The following SULT4A1 variants were observed in gnomAD, a reference collection of about 807,000 sequenced individuals.
The protein encoded by SULT4A1 is sulfotransferase 4A1.
In SULT4A1, 11 loss-of-function variants were observed where a neutral mutation model predicts 35.2. That is an observed-to-expected ratio of 0.31 (90% CI 0.20 to 0.52). The LOEUF (loss-of-function observed/expected upper bound fraction) is 0.52, where lower values mean the gene tolerates loss of function less well. SULT4A1 is among the 20% of genes least tolerant of loss of function. SULT4A1 has a pLI of 0.97. For missense variants in SULT4A1, 271 were observed against 383.7 expected (o/e 0.71, Z 2.45); for synonymous variants, 152 against 151.8 (o/e 1.00, Z -0.01).
intron 6 of SULT4A1, chr22:43,826,396 T>C: frequency 1.0e-6 from 1 of 985,350 alleles, no homozygotes; most frequent in Non-Finnish European, 1.2e-6. Context: ...CACCCCCCGC[T>C]GGGGCCCACC....
intron 2 of SULT4A1, 53 bp downstream of exon 2, chr22:43,841,749 C>T (rs1427590260): frequency 2.5e-5 from 39 of 1,586,096 alleles, no homozygotes; most frequent in South Asian, 1.1e-4. Context: ...CAGGGTGTAA[C>T]GGTAGAAATA....
At chr22:43,850,990 T>G (rs538160108) in intron 1 of SULT4A1, among the ~76,000 whole-genome samples, 27 of 152,240 alleles carry the variant, frequency 1.8e-4, no homozygotes, top group African/African-American at 6.5e-4. Flanking sequence ...CTCTGAACAT[T>G]CTGAAAATCT....
chr22:43,858,587 G>A (rs892238895), intron 1 of SULT4A1, among the ~76,000 whole-genome samples: 3 of 152,198 alleles, frequency 2.0e-5, no homozygotes, highest in Non-Finnish European at 4.4e-5. Context: ...ATAGGACGCA[G>A]GTAACTCACC....
In SULT4A1 at chr22:43,829,503, T is replaced by G. The variant is rs529343324; in HGVS notation, c.604-305A>C. On this transcript the variant is annotated intron_variant, in intron 5 of 6. Coordinates refer to ENST00000330884, the MANE Select transcript of SULT4A1 (RefSeq NM_014351.4). ...ACAGGAGCAAGAAGTAAAAAACATA[T>G]TTCAGAACATGGTTCTTGTGAGGAG... Among the ~76,000 whole-genome samples the G allele has an allele frequency of 3.9e-5, 6 of 152,322 alleles. No homozygotes were observed. In the South Asian group the frequency reaches 8.3e-4, roughly 21 times the overall value.
chr22:43,833,757 G>GAGC (rs2063342666), intron 4 of SULT4A1, 23 bp from the exon 5 acceptor site: 1 of 1,552,312 alleles, frequency 6.4e-7, no homozygotes, highest in Non-Finnish European at 8.7e-7. Context: ...GGGACAGGGT[G>GAGC]AGCCACACGG....
chr22:43,826,502 T>C, intron 6 of SULT4A1: 1 of 985,400 alleles, frequency 1.0e-6, no homozygotes, highest in Non-Finnish European at 1.2e-6. Flanking sequence ...GGAGCGAGTA[T>C]GATCTGCCGC....
At position 43,835,340 on chromosome 22, in the gene SULT4A1, A is replaced by C. The variant is rs189752687; in HGVS notation, c.509-1606T>G. On this transcript the variant is annotated intron_variant, in intron 4 of 6. Coordinates refer to ENST00000330884, the MANE Select transcript of SULT4A1 (RefSeq NM_014351.4). ...GACGGTTTCTTCCACGGGGACCTCC[A>C]TACGACAGAGAGCAAGGCGTCAGTT... Among the ~76,000 whole-genome samples, 6 of 152,340 alleles carry C rather than the reference A, an allele frequency of 3.9e-5. No individual in the cohort carries two copies. In the East Asian group the frequency reaches 1.2e-3, roughly 29 times the overall value.
At chr22:43,859,603 C>T (rs964905315) in intron 1 of SULT4A1, among the ~76,000 whole-genome samples, 8 of 152,244 alleles carry the variant, frequency 5.3e-5, no homozygotes, top group East Asian at 1.9e-4. Context: ...ATACAACCAC[C>T]GTCCCAGGAC....
intron 1 of SULT4A1, among the ~76,000 whole-genome samples, chr22:43,857,264 T>G (rs1478618463): frequency 1.3e-5 from 2 of 148,866 alleles, no homozygotes; most frequent in Non-Finnish European, 3.0e-5. Context: ...AGAAGCCAGG[T>G]GCAGCAGTAT....
chr22:43,825,916 C>T lies in SULT4A1; in HGVS notation c.*85G>A, dbSNP rs1189591259. On this transcript the variant is annotated 3_prime_UTR_variant, in exon 7 of 7. Transcript: ENST00000330884. ...TCACACGCTGCTTCCAGAGTTTGTCCAGCAAGGAATAAATGAATGCATACA... is the reference window on the plus strand; with the variant it reads ...TCACACGCTGCTTCCAGAGTTTGTCTAGCAAGGAATAAATGAATGCATACA... 3.3e-5 allele frequency: 45 copies of T among 1,346,616 alleles called. No homozygotes were observed. The highest frequency in any genetic ancestry group is 4.5e-5 in the Non-Finnish European group (43 of 960,170). The allele number at this position is 1,346,616 out of a possible 1,614,324, so 83.4% of individuals were successfully genotyped here.
At chr22:43,854,090 T>C (rs957567878) in intron 1 of SULT4A1, among the ~76,000 whole-genome samples, 5 of 152,188 alleles carry the variant, frequency 3.3e-5, no homozygotes, top group Non-Finnish European at 7.3e-5. Context: ...TTTGCCCTCA[T>C]GTAGCACTCT....
intron 6 of SULT4A1, chr22:43,826,486 A>G: frequency 1.0e-6 from 1 of 985,282 alleles, no homozygotes; most frequent in Non-Finnish European, 1.2e-6. Context: ...TTTAATAAAC[A>G]TCCCAGGAGC....
chr22:43,837,807 G>C (rs543812825), intron 4 of SULT4A1, among the ~76,000 whole-genome samples: 2 of 152,122 alleles, frequency 1.3e-5, no homozygotes, highest in Admixed American at 6.5e-5. Flanking sequence ...ACTTAAACTC[G>C]AGGGCATTAC....
At chr22:43,835,575 C>T (rs906270757) in intron 4 of SULT4A1, among the ~76,000 whole-genome samples, 3 of 152,120 alleles carry the variant, frequency 2.0e-5, no homozygotes, top group Admixed American at 1.3e-4. Context: ...GCCCAAGTCA[C>T]CAACAGGTCA....
At chr22:43,845,549 C>A (rs1046120759) in intron 1 of SULT4A1, among the ~76,000 whole-genome samples, 6 of 150,106 alleles carry the variant, frequency 4.0e-5, no homozygotes, top group Admixed American at 6.7e-5. Context: ...TGACCCTCCC[C>A]CTGTGACACT....
At position 43,862,328 on chromosome 22, in the gene SULT4A1, A is replaced by G; in HGVS notation, c.55T>C (p.Tyr19His). 1.3e-6 allele frequency: 2 copies of G among 1,553,240 alleles called. No individual in the cohort carries two copies. Among genetic ancestry groups the G allele is most frequent in the Non-Finnish European group, 1.7e-6 (2 of 1,148,130 alleles). The change falls in exon 1 of 7, where the codon TAC (tyrosine) becomes CAC (histidine). Residue 19 changes from tyrosine (Y) to histidine (H), a missense_variant. Tyr to His is a moderately conservative substitution (Grantham distance 83). This residue lies in a region of SULT4A1 where 164 missense variants were observed against 254.1 expected (regional missense o/e 0.65). Coordinates refer to ENST00000330884, the MANE Select transcript of SULT4A1 (RefSeq NM_014351.4). ...AGCCGCACGCCATGGAACTCGAAGT[A>G]CTTGCTCTCGAACTCCCCCGGGGTG... ...PSTPGEFESK[Y>H]FEFHGVRLPP...
At chr22:43,847,195 G>C (rs1336497619) in intron 1 of SULT4A1, among the ~76,000 whole-genome samples, 1 of 151,804 alleles carries the variant, frequency 6.6e-6, no homozygotes, top group Non-Finnish European at 1.5e-5. Context: ...GGGAGGGAGG[G>C]GCACCGAGAA....
chr22:43,836,133 C>T lies in SULT4A1; in HGVS notation c.509-2399G>A, dbSNP rs114997379. Among the ~76,000 whole-genome samples the T allele has an allele frequency of 5.9e-3, 901 of 152,266 alleles. 13 individuals carry two copies. The highest frequency in any genetic ancestry group is 0.021 in the African/African-American group (866 of 41,518). ...CCACACTGCGGGTGCCACAGGGAGCCTGTCTACACAGCGTCCTCACACTGC... is the reference window on the plus strand; with the variant it reads ...CCACACTGCGGGTGCCACAGGGAGCTTGTCTACACAGCGTCCTCACACTGC... On this transcript the variant is annotated intron_variant, in intron 4 of 6. Coordinates refer to ENST00000330884, the MANE Select transcript of SULT4A1 (RefSeq NM_014351.4).
chr22:43,832,084 C>A (rs1000061949), intron 5 of SULT4A1, among the ~76,000 whole-genome samples: 2 of 152,206 alleles, frequency 1.3e-5, no homozygotes, highest in Non-Finnish European at 1.5e-5. Flanking sequence ...CCACGTTGTT[C>A]CCCAGCACCA....
Sources: allele counts gnomAD v4.1 joint callset (sites outside exome capture counted in the v4.1 genomes callset), GRCh38; gene constraint gnomAD v4.1.1; regional missense constraint gnomAD v4.1.1; transcripts MANE v1.5; gene names NCBI Gene and HGNC (gene_info 2026-07-23, HGNC 2026-07-21).